PHC2: variants seen among roughly 807,000 people sequenced by gnomAD.
The protein encoded by PHC2 is polyhomeotic-like protein 2.
A neutral mutation model predicts 87.4 loss-of-function variants in PHC2; 29 were observed. The ratio of observed to expected loss-of-function variants is 0.33; its 90% confidence interval spans 0.25 to 0.45. The LOEUF (loss-of-function observed/expected upper bound fraction) is 0.45, where lower values mean the gene tolerates loss of function less well. Among genes scored for constraint, PHC2 ranks in the 20% least tolerant of loss-of-function variants. The probability of loss-of-function intolerance (pLI) is 1.00; values close to 1 mark genes in which losing one functional copy is unlikely to be tolerated. For missense variants in PHC2, 857 were observed against 1,136.7 expected (o/e 0.75, Z 3.54); for synonymous variants, 438 against 461.7 (o/e 0.95, Z 0.66).
chr1:33,405,676 A>C (rs1168902779), intron 1 of PHC2, among the ~76,000 whole-genome samples: 2 of 152,118 alleles, frequency 1.3e-5, no homozygotes, highest in East Asian at 3.8e-4. Context: ...ATTTTCCTCT[A>C]AGCTCAGCTT....
chr1:33,367,633 G>A lies in PHC2; in HGVS notation c.664-205C>T, dbSNP rs556595892. ...GAGGGCCAGAGGGTTCGCTGTGACTGCATCCAGCAGCAGAAGAGGCTGAGT... is the reference window on the plus strand; with the variant it reads ...GAGGGCCAGAGGGTTCGCTGTGACTACATCCAGCAGCAGAAGAGGCTGAGT... On this transcript the variant is annotated intron_variant, in intron 6 of 14. Coordinates refer to ENST00000683057, the MANE Select transcript of PHC2 (RefSeq NM_001385109.1). 2.6e-5 allele frequency among the ~76,000 whole-genome samples: 4 copies of A among 152,296 alleles called. No individual in the cohort carries two copies. In the East Asian group the frequency reaches 7.7e-4, roughly 29 times the overall value.
At chr1:33,404,816 T>C (rs1649686371) in intron 1 of PHC2, among the ~76,000 whole-genome samples, 2 of 152,344 alleles carry the variant, frequency 1.3e-5, no homozygotes, top group Middle Eastern at 6.8e-3. Flanking sequence ...AATAACAGGT[T>C]GCTCTCTTAG....
intron 7 of PHC2, among the ~76,000 whole-genome samples, chr1:33,356,249 T>TTATATATA (rs60725677): frequency 0.035 from 3,513 of 101,390 alleles, 119 homozygotes; most frequent in East Asian, 0.071. Flanking sequence ...GTGAAAATTC[T>TTATATATA]TATATATATA....
At chr1:33,397,424 C>G (rs929554853) in intron 1 of PHC2, among the ~76,000 whole-genome samples, 4 of 152,222 alleles carry the variant, frequency 2.6e-5, no homozygotes, top group African/African-American at 9.6e-5. Context: ...CTGGGTCATT[C>G]ACGTGCACAT....
chr1:33,401,970 G>T (rs1053417231), intron 1 of PHC2, among the ~76,000 whole-genome samples: 1 of 151,996 alleles, frequency 6.6e-6, no homozygotes, highest in Non-Finnish European at 1.5e-5. Context: ...AGAAAAGACT[G>T]ATACATTTGA....
At chr1:33,333,120 G>A (rs1274368715) in intron 10 of PHC2, 1 of 152,234 alleles carries the variant, frequency 6.6e-6, no homozygotes, top group Non-Finnish European at 1.5e-5. Flanking sequence ...GTCTAACAGG[G>A]AAGGGATGTA....
chr1:33,330,000 G>A, intron 13 of PHC2, 71 bp downstream of exon 13: 1 of 1,543,622 alleles, frequency 6.5e-7, no homozygotes, highest in Admixed American at 1.8e-5. Context: ...GGGGACCGTG[G>A]TGTCGAGGGC....
intron 13 of PHC2, 139 bp downstream of exon 13, chr1:33,329,932 C>A (rs1450746752): frequency 5.4e-6 from 5 of 920,558 alleles, no homozygotes; most frequent in Non-Finnish European, 8.4e-6. Context: ...GAAGGCTCGA[C>A]TGGACAGGTC....
chr1:33,396,979 G>A (rs554151974), intron 1 of PHC2, among the ~76,000 whole-genome samples: 62 of 152,296 alleles, frequency 4.1e-4, no homozygotes, highest in African/African-American at 1.3e-3. Flanking sequence ...GTGTTAACAC[G>A]AGGAGTCTGG....
At chr1:33,344,204 A>G (rs1646802246) in intron 9 of PHC2, among the ~76,000 whole-genome samples, 2 of 152,258 alleles carry the variant, frequency 1.3e-5, no homozygotes, top group African/African-American at 2.4e-5. Context: ...AAACTCATGG[A>G]AGATGGATTT....
chr1:33,392,012 A>G (rs1416235343), intron 1 of PHC2, among the ~76,000 whole-genome samples: 2 of 152,214 alleles, frequency 1.3e-5, no homozygotes, highest in Non-Finnish European at 2.9e-5. Context: ...GGGCTAGCAC[A>G]GAGGGAAAGG....
intron 9 of PHC2, among the ~76,000 whole-genome samples, chr1:33,350,081 G>C (rs375874196): frequency 1.3e-5 from 2 of 151,700 alleles, no homozygotes; most frequent in African/African-American, 4.8e-5. Flanking sequence ...TCAGCTTAGG[G>C]AGGCGGGCGC....
intron 1 of PHC2, among the ~76,000 whole-genome samples, chr1:33,430,243 C>G (rs1438822426): frequency 6.6e-6 from 1 of 152,226 alleles, no homozygotes; most frequent in Non-Finnish European, 1.5e-5. Context: ...GCGACCTTTT[C>G]CCATGGGTGT....
chr1:33,343,983 C>G (rs551462026), intron 9 of PHC2, among the ~76,000 whole-genome samples: 2 of 152,316 alleles, frequency 1.3e-5, no homozygotes, highest in African/African-American at 2.4e-5. Context: ...GCACCAGATT[C>G]TCTTTCTATG....
rs1234164461 is a variant in PHC2 at position 33,349,178 on chromosome 1, T to G, written c.1558+5223A>C. The G allele has an allele frequency of 2.0e-6, 2 of 985,252 alleles. No homozygotes were observed. Among genetic ancestry groups the G allele is most frequent in the African/African-American group, 3.5e-5 (2 of 57,214 alleles). The allele number at this position is 985,252 out of a possible 1,614,324, so 61.0% of individuals were successfully genotyped here. ...CTGAACTAGATTAAAAACAAAACTCTCCAGCGAAGCCGCAGGCGCCTCCAA... is the reference window on the plus strand; with the variant it reads ...CTGAACTAGATTAAAAACAAAACTCGCCAGCGAAGCCGCAGGCGCCTCCAA... On this transcript the variant is annotated intron_variant, in intron 9 of 14. Transcript: ENST00000683057. The surrounding 1 kb of genome is among the most constrained non-coding windows in gnomAD (Gnocchi z 4.2).
intron 1 of PHC2, among the ~76,000 whole-genome samples, chr1:33,390,075 G>A (rs1003730316): frequency 3.3e-5 from 5 of 152,186 alleles, no homozygotes; most frequent in African/African-American, 4.8e-5. Flanking sequence ...CACTGGAGCT[G>A]TTTAAAAAGT....
rs1372314138 is a variant in PHC2 at position 33,349,170 on chromosome 1, C to A, written c.1558+5231G>T. 1 of 985,334 alleles carries A rather than the reference C, an allele frequency of 1.0e-6. No homozygotes were observed. Among genetic ancestry groups the A allele is most frequent in the Admixed American group, 6.1e-5 (1 of 16,276 alleles). The allele number at this position is 985,334 out of a possible 1,614,324, so 61.0% of individuals were successfully genotyped here. Reference sequence around the variant, plus strand: ...TCGTGAGACTGAACTAGATTAAAAACAAAACTCTCCAGCGAAGCCGCAGGC... The same window carrying A: ...TCGTGAGACTGAACTAGATTAAAAAAAAAACTCTCCAGCGAAGCCGCAGGC... On this transcript the variant is annotated intron_variant, in intron 9 of 14. Transcript: ENST00000683057. This position sits in a 1 kb window ranked among gnomAD's most constrained non-coding sequence, Gnocchi z 4.2.
rs1646983010 is a variant in PHC2, at chr1:33,351,986, T to C, written c.1558+2415A>G. ...AAAAAAAAAAAAGACATACACAGAA[T>C]GGATATTTAAGTCTTGGGTGGTTGA... On this transcript the variant is annotated intron_variant, in intron 9 of 14. Coordinates refer to ENST00000683057, the MANE Select transcript of PHC2 (RefSeq NM_001385109.1). Among the ~76,000 whole-genome samples, 5 of 143,626 alleles carry C rather than the reference T, an allele frequency of 3.5e-5. No homozygotes were observed. In the South Asian group the frequency reaches 1.1e-3, roughly 32 times the overall value. 94.2% of individuals were successfully genotyped at this position (143,626 alleles called of 152,430 possible). A position where few individuals can be genotyped will look rare whatever the true frequency, so the allele number is the denominator to read the frequency against.
At chr1:33,396,463 A>G (rs1649300637) in intron 1 of PHC2, among the ~76,000 whole-genome samples, 1 of 152,224 alleles carries the variant, frequency 6.6e-6, no homozygotes, top group African/African-American at 2.4e-5. Flanking sequence ...TTCCACTGCC[A>G]GTGCATCTCA....
Sources: allele counts gnomAD v4.1 joint callset (sites outside exome capture counted in the v4.1 genomes callset), GRCh38; gene constraint gnomAD v4.1.1; non-coding constraint Gnocchi (gnomAD v3.1); transcripts MANE v1.5; gene names NCBI Gene and HGNC (gene_info 2026-07-23, HGNC 2026-07-21).